CAMK2B: variants seen among roughly 807,000 people sequenced by gnomAD.
CAMK2B encodes calcium/calmodulin dependent protein kinase II beta, also known as calcium/calmodulin-dependent protein kinase type II subunit beta.
CAMK2B carries 27 observed loss-of-function variants against 93.7 expected under a neutral mutation model. The ratio of observed to expected loss-of-function variants is 0.29; its 90% CI spans 0.21 to 0.40. CAMK2B has a LOEUF of 0.40. Among genes scored for constraint, CAMK2B ranks in the 10% least tolerant of loss-of-function variants. CAMK2B has a pLI of 1.00. For synonymous variants in CAMK2B, 374 were observed against 358.8 expected, an observed-to-expected ratio of 1.04 and a Z score of -0.48; for missense variants, 568 against 895.8, an observed-to-expected ratio of 0.63 and a Z score of 4.67.
chr7:44,307,483 C>T (rs1240322205), intron 1 of CAMK2B, among the ~76,000 whole-genome samples: 1 of 151,864 alleles, frequency 6.6e-6, no homozygotes, highest in African/African-American at 2.4e-5. Context: ...TCAGGAGGCT[C>T]AGCCTGGGGC....
Position 44,303,238 on chromosome 7 carries a change from T to G in CAMK2B, c.66-19013A>C, listed in dbSNP as rs546858643. ...TATGAGGACATTTACAAAACTCTGA[T>G]GAAAAAATATCAAAGAAGAACTAAA... On this transcript the variant is annotated intron_variant, in intron 1 of 23. Transcript: ENST00000395749. Among the ~76,000 whole-genome samples, 34 of 152,270 alleles carry G rather than the reference T, an allele frequency of 2.2e-4. 1 individual carries two copies. In the South Asian group the frequency reaches 6.6e-3, roughly 30 times the overall value.
At chr7:44,269,126 G>A (rs1395125680) in intron 2 of CAMK2B, among the ~76,000 whole-genome samples, 2 of 152,240 alleles carry the variant, frequency 1.3e-5, no homozygotes, top group East Asian at 1.9e-4. Context: ...CACCAACCCT[G>A]CTGCATCTGC....
At chr7:44,273,831 T>C (rs2097000972) in intron 2 of CAMK2B, among the ~76,000 whole-genome samples, 1 of 152,138 alleles carries the variant, frequency 6.6e-6, no homozygotes, top group East Asian at 1.9e-4. Context: ...GCCCGGAGGT[T>C]CCCACTCATC....
At position 44,224,877 on chromosome 7, in the gene CAMK2B, C is replaced by T. The variant is rs985892601; in HGVS notation, c.1597+1639G>A. On this transcript the variant is annotated intron_variant, in intron 20 of 23. Coordinates refer to ENST00000395749, the MANE Select transcript of CAMK2B (RefSeq NM_001220.5). This position sits in a 1 kb window ranked among gnomAD's most constrained non-coding sequence, Gnocchi z 4.4. ...GAGGCAGAAAGCTGGCCACCTGCCA[C>T]CTGGGCCCAGGTGCCCCCAGGGCAG... Among the ~76,000 whole-genome samples the T allele has an allele frequency of 6.6e-6, 1 of 152,054 alleles. No individual in the cohort carries two copies. Among genetic ancestry groups the T allele is most frequent in the Non-Finnish European group, 1.5e-5 (1 of 67,976 alleles).
intron 17 of CAMK2B, among the ~76,000 whole-genome samples, chr7:44,230,748 C>G (rs971902283): frequency 2.0e-5 from 3 of 152,188 alleles, no homozygotes; most frequent in African/African-American, 4.8e-5. Flanking sequence ...TGCCTCCATG[C>G]AAAGCCGTGG....
chr7:44,236,645 C>G (rs1423039160), intron 13 of CAMK2B, among the ~76,000 whole-genome samples: 1 of 152,218 alleles, frequency 6.6e-6, no homozygotes, highest in East Asian at 1.9e-4. Context: ...ATCTGCTTCC[C>G]TGTAACTTGC....
At chr7:44,323,282 C>A (rs571553314) in intron 1 of CAMK2B, among the ~76,000 whole-genome samples, 1 of 152,374 alleles carries the variant, frequency 6.6e-6, no homozygotes, top group South Asian at 2.1e-4. Flanking sequence ...GGGCTCCCCT[C>A]GATGCCAGGC....
At position 44,325,520 on chromosome 7, in the gene CAMK2B, G is replaced by T; in HGVS notation, c.-99C>A. 1.4e-6 allele frequency: 1 copy of T among 694,944 alleles called. No individual in the cohort carries two copies. Among genetic ancestry groups the T allele is most frequent in the Non-Finnish European group, 1.8e-6 (1 of 564,928 alleles). 43.0% of individuals were successfully genotyped at this position (694,944 alleles called of 1,614,324 possible). ...ACGGCGGCGACACGGGCGCGGGCGC[G>T]GGAGACACCTCGGCTCGCGGCGCCA... On this transcript the variant is annotated 5_prime_UTR_variant, in exon 1 of 24. Coordinates refer to ENST00000395749, the MANE Select transcript of CAMK2B (RefSeq NM_001220.5).
intron 15 of CAMK2B, 96 bp from the exon 16 acceptor site, chr7:44,232,962 G>T (rs1014869363): frequency 8.1e-6 from 9 of 1,114,164 alleles, no homozygotes; most frequent in South Asian, 2.6e-5. Context: ...AGACAGAGGA[G>T]GTGTGGGTGG....
chr7:44,228,501 G>A (rs199623080), intron 19 of CAMK2B, among the ~76,000 whole-genome samples: 1 of 152,104 alleles, frequency 6.6e-6, no homozygotes, highest in East Asian at 1.9e-4. Flanking sequence ...AGGGGCCAGG[G>A]CTGCCCAGGG....
chr7:44,232,674 C>T (rs888727275), intron 16 of CAMK2B, 148 bp downstream of exon 16: 13 of 753,918 alleles, frequency 1.7e-5, no homozygotes, highest in South Asian at 6.7e-5. Flanking sequence ...CCCACGAAGA[C>T]GGACTGGGGC....
At chr7:44,316,239 TG>T (rs1794804940) in intron 1 of CAMK2B, among the ~76,000 whole-genome samples, 1 of 152,146 alleles carries the variant, frequency 6.6e-6, no homozygotes, top group African/African-American at 2.4e-5. Flanking sequence ...GAAATGGTAT[TG>T]GTTTTTTTTT....
rs928284958 is a variant in CAMK2B at position 44,217,779 on chromosome 7, ATG to A, written c.*1744_*1745del. The A allele has an allele frequency of 6.6e-6, 1 of 152,210 alleles. No individual in the cohort carries two copies. The highest frequency in any genetic ancestry group is 2.4e-5 in the African/African-American group (1 of 41,430). 9.4% of individuals were successfully genotyped at this position (152,210 alleles called of 1,614,324 possible). The stretch of plus-strand genomic sequence containing the variant: ...ATAAAGAAAATCCTTGTTGAAAACA[ATG>A]TGAATTGAAAGTGGGCAGGCACTGG... On this transcript the variant is annotated 3_prime_UTR_variant, in exon 24 of 24. Coordinates refer to ENST00000395749, the MANE Select transcript of CAMK2B (RefSeq NM_001220.5).
intron 8 of CAMK2B, 99 bp from the exon 9 acceptor site, chr7:44,242,753 G>A (rs780961390): frequency 9.7e-6 from 8 of 826,106 alleles, no homozygotes; most frequent in Non-Finnish European, 1.6e-5. Flanking sequence ...TGTGGCCCTG[G>A]GAGGGCATTG....
At chr7:44,236,910 G>A (rs1048859772) in intron 13 of CAMK2B, among the ~76,000 whole-genome samples, 3 of 152,230 alleles carry the variant, frequency 2.0e-5, no homozygotes, top group South Asian at 2.1e-4. Context: ...ATCCAGCCTC[G>A]CCTTGAGGAC....
rs377593042 is a variant in CAMK2B, at chr7:44,220,089, C to T, written c.1974G>A (p.Ser658=). ...ACTGCAGCGGGGCCACAGGCGCGCC[C>T]GAGCAGTGGAAGTGCACGTTCTGCC... ...GKWQNVHFHC[S]GAPVAPLQ Residue 658 remains serine, a synonymous_variant, in exon 23 of 24, where the codon TCG becomes TCA. Coordinates refer to ENST00000395749, the MANE Select transcript of CAMK2B (RefSeq NM_001220.5). The T allele has an allele frequency of 7.2e-5, 116 of 1,604,160 alleles. No homozygotes were observed. Among genetic ancestry groups the T allele is most frequent in the Non-Finnish European group, 8.9e-5 (105 of 1,177,524 alleles).
chr7:44,235,634 C>A (rs77475460), intron 13 of CAMK2B, among the ~76,000 whole-genome samples: 3 of 152,234 alleles, frequency 2.0e-5, no homozygotes, highest in Non-Finnish European at 4.4e-5. Context: ...CGCAAGACTG[C>A]GGGCCCAGGA....
chr7:44,229,582 C>T, intron 17 of CAMK2B, 81 bp from the exon 18 acceptor site: 1 of 601,060 alleles, frequency 1.7e-6, no homozygotes, highest in African/African-American at 2.0e-5. Context: ...CAGGGGGAGG[C>T]CAGGAGGGAG....
intron 22 of CAMK2B, 68 bp downstream of exon 22, chr7:44,220,548 C>T (rs2096387247): frequency 2.9e-6 from 4 of 1,377,082 alleles, no homozygotes; most frequent in Non-Finnish European, 3.0e-6. Context: ...CATGCTGTCC[C>T]TGGGAGGGGC....
Sources: allele counts gnomAD v4.1 joint callset (sites outside exome capture counted in the v4.1 genomes callset), GRCh38; gene constraint gnomAD v4.1.1; non-coding constraint Gnocchi (gnomAD v3.1); transcripts MANE v1.5; gene names NCBI Gene and HGNC (gene_info 2026-07-23, HGNC 2026-07-21).